Variants in ZNF644 observed in about 807,000 individuals in gnomAD.
ZNF644 encodes the protein zinc finger motif enhancer binding protein 2.
A neutral mutation model predicts 108.0 loss-of-function variants in ZNF644; 20 were observed. That is an observed-to-expected ratio of 0.19 (90% confidence interval 0.13 to 0.27). The LOEUF is 0.27. ZNF644 is among the 10% of genes least tolerant of loss of function. ZNF644 has a pLI of 1.00. For missense variants in ZNF644, 1,338 were observed against 1,548.9 expected (o/e 0.86, Z 2.29); for synonymous variants, 542 against 539.1 (o/e 1.01, Z -0.08).
intron 2 of ZNF644, among the ~76,000 whole-genome samples, chr1:90,969,073 A>T (rs1655209190): frequency 6.6e-6 from 1 of 152,224 alleles, no homozygotes; most frequent in Non-Finnish European, 1.5e-5. Flanking sequence ...AAAGAACAAC[A>T]CTTTAAATGC....
intron 2 of ZNF644, among the ~76,000 whole-genome samples, chr1:90,970,207 C>A (rs1317767095): frequency 6.6e-6 from 1 of 152,188 alleles, no homozygotes; most frequent in East Asian, 1.9e-4. Context: ...CAACTTAGCT[C>A]CTGTATAATT....
intron 2 of ZNF644, among the ~76,000 whole-genome samples, chr1:90,960,555 T>C (rs1479921840): frequency 1.3e-5 from 2 of 152,132 alleles, no homozygotes; most frequent in African/African-American, 2.4e-5. Context: ...TGGTTAATCG[T>C]ATGTAATGTG....
At chr1:90,917,417 A>C (rs535153690) in intron 5 of ZNF644, among the ~76,000 whole-genome samples, 2 of 152,236 alleles carry the variant, frequency 1.3e-5, no homozygotes, top group African/African-American at 4.8e-5. Flanking sequence ...TGTGTTCCCA[A>C]TAAGCGAGAA....
At chr1:90,930,082 T>A (rs1650555912) in intron 4 of ZNF644, among the ~76,000 whole-genome samples, 1 of 152,110 alleles carries the variant, frequency 6.6e-6, no homozygotes, top group South Asian at 2.1e-4. Flanking sequence ...AAGTCAGGAG[T>A]TCGAGACCAG....
chr1:90,945,066 G>A (rs1652375374), intron 2 of ZNF644, among the ~76,000 whole-genome samples: 1 of 152,216 alleles, frequency 6.6e-6, no homozygotes, highest in East Asian at 1.9e-4. Flanking sequence ...ATAGTCAAAT[G>A]TATATATAAC....
intron 2 of ZNF644, among the ~76,000 whole-genome samples, chr1:90,953,299 T>G (rs1363116039): frequency 1.8e-4 from 4 of 22,752 alleles, no homozygotes; most frequent in Non-Finnish European, 5.1e-4. Context: ...TGAGCCACCA[T>G]TTTTTTTTTT....
chr1:90,941,384 T>C, intron 2 of ZNF644, 75 bp from the exon 3 acceptor site: 1 of 1,316,752 alleles, frequency 7.6e-7, no homozygotes, highest in Non-Finnish European at 1.0e-6. Context: ...GAGTTGAAAG[T>C]ACATATTTTT....
At chr1:90,924,844 C>CA (rs572106253) in intron 4 of ZNF644, among the ~76,000 whole-genome samples, 40 of 146,350 alleles carry the variant, frequency 2.7e-4, no homozygotes, top group African/African-American at 7.5e-4. Context: ...CTAGGCATAC[C>CA]AAAAAAAAAA....
intron 1 of ZNF644, among the ~76,000 whole-genome samples, chr1:91,005,771 C>T (rs1395342174): frequency 1.3e-5 from 2 of 151,390 alleles, no homozygotes; most frequent in Admixed American, 6.6e-5. Context: ...ATGAAGTAAA[C>T]GCAATGCTTA....
rs1465873701 is a variant in ZNF644, at chr1:91,015,312, T to G, written c.-18+6678A>C. On this transcript the variant is annotated intron_variant, in intron 1 of 5. Transcript: ENST00000337393. ...GCACAGACATATACAAAACAAAGTG[T>G]GGAGAGGAAAAGAGCAAAAGGAAAT... is the stretch of plus-strand genomic sequence containing the variant. 2.0e-5 allele frequency among the ~76,000 whole-genome samples: 3 copies of G among 152,052 alleles called. No homozygotes were observed. The East Asian group carries it at 5.8e-4, about 29-fold the overall frequency.
At chr1:90,926,032 T>C (rs531975041) in intron 4 of ZNF644, among the ~76,000 whole-genome samples, 1 of 151,912 alleles carries the variant, frequency 6.6e-6, no homozygotes, top group East Asian at 1.9e-4. Context: ...TTCCTAAGAG[T>C]TAAAAAGAAA....
intron 2 of ZNF644, among the ~76,000 whole-genome samples, chr1:90,968,425 G>C (rs530979842): frequency 1.3e-5 from 2 of 152,152 alleles, no homozygotes; most frequent in Non-Finnish European, 2.9e-5. Context: ...AATATATTTC[G>C]GTTTTGGGGG....
At chr1:90,967,171 T>C (rs1332603202) in intron 2 of ZNF644, among the ~76,000 whole-genome samples, 1 of 150,440 alleles carries the variant, frequency 6.6e-6, no homozygotes, top group African/African-American at 2.5e-5. Context: ...CAAAGTACTG[T>C]CCTCCTCTCA....
chr1:90,934,849 T>C (rs886454289), intron 4 of ZNF644, among the ~76,000 whole-genome samples: 7 of 152,210 alleles, frequency 4.6e-5, no homozygotes, highest in African/African-American at 1.4e-4. Flanking sequence ...TAATCAAGTC[T>C]ACATTTTGAA....
intron 1 of ZNF644, among the ~76,000 whole-genome samples, chr1:91,018,232 G>T (rs1660596634): frequency 6.6e-6 from 1 of 152,154 alleles, no homozygotes; most frequent in Admixed American, 6.5e-5. Context: ...TCAGTTCCAT[G>T]ATTCTCAAAT....
intron 1 of ZNF644, among the ~76,000 whole-genome samples, chr1:91,015,993 T>A (rs143784282): frequency 7.2e-5 from 11 of 152,340 alleles, no homozygotes; most frequent in African/African-American, 2.6e-4. Context: ...TCCACTTGCC[T>A]AGTGCTCACA....
At chr1:90,935,744 G>A (rs1359336955) in intron 4 of ZNF644, among the ~76,000 whole-genome samples, 1 of 152,174 alleles carries the variant, frequency 6.6e-6, no homozygotes, top group Non-Finnish European at 1.5e-5. Flanking sequence ...AGGTAGACGA[G>A]GAGTGACTTG....
At position 90,940,479 on chromosome 1, in the gene ZNF644, TTTC is replaced by T; in HGVS notation, c.872_874del (p.Arg291del). On this transcript the variant is annotated inframe_deletion, in exon 3 of 6. Coordinates refer to ENST00000337393, the MANE Select transcript of ZNF644 (RefSeq NM_201269.3). Reference sequence around the variant, plus strand: ...TATCTTGCTTACATCCATTTTTCGCTTTCTTTTTTTTTCTAGACCTATTTTAGA... The same window carrying T: ...TATCTTGCTTACATCCATTTTTCGCTTTTTTTTTTCTAGACCTATTTTAGA... 7 of 1,613,734 alleles carry T rather than the reference TTTC, an allele frequency of 4.3e-6. No homozygotes were observed. The highest frequency in any genetic ancestry group is 5.1e-6 in the Non-Finnish European group (6 of 1,179,890).
chr1:90,962,529 A>AATT (rs1557603292), intron 2 of ZNF644, among the ~76,000 whole-genome samples: 1 of 152,124 alleles, frequency 6.6e-6, no homozygotes, highest in Non-Finnish European at 1.5e-5. Flanking sequence ...AATACATAAT[A>AATT]AACAATATAC....
Sources: gnomAD v4.1 joint callset for allele counts (sites outside exome capture counted in the v4.1 genomes callset) on GRCh38, gnomAD v4.1.1 for gene constraint, MANE v1.5 for transcripts, NCBI Gene and HGNC (gene_info 2026-07-23, HGNC 2026-07-21) for gene names.